Variants in PLCB1 observed in about 807,000 individuals in gnomAD.
PLCB1 encodes the protein 1-phosphatidylinositol 4,5-bisphosphate phosphodiesterase beta-1.
A neutral mutation model predicts 161.8 loss-of-function variants in PLCB1; 46 were observed. The observed-to-expected ratio is 0.28, with a 90% CI of 0.22 to 0.36. The LOEUF (loss-of-function observed/expected upper bound fraction) is 0.36, where lower values mean the gene tolerates loss of function less well. Among genes scored for constraint, PLCB1 ranks in the 10% least tolerant of loss-of-function variants. PLCB1 has a pLI of 1.00. For synonymous variants in PLCB1, 517 were observed against 503.7 expected (o/e 1.03, Z -0.35); for missense variants, 1,016 against 1,472.5 (o/e 0.69, Z 5.07).
At chr20:8,684,738 A>C (rs1019564969) in intron 9 of PLCB1, among the ~76,000 whole-genome samples, 194 bp from the exon 10 acceptor site, 1 of 152,012 alleles carries the variant, frequency 6.6e-6, no homozygotes, top group Non-Finnish European at 1.5e-5. Flanking sequence ...ATGTAACTAC[A>C]TGTTTTCTCT....
chr20:8,509,322 C>A (rs1044544807), intron 3 of PLCB1, among the ~76,000 whole-genome samples: 1 of 152,124 alleles, frequency 6.6e-6, no homozygotes, highest in Non-Finnish European at 1.5e-5. Context: ...CACAGGAGAG[C>A]GCATCCGAGC....
chr20:8,293,352 G>A (rs190924318), intron 2 of PLCB1, among the ~76,000 whole-genome samples: 1 of 152,202 alleles, frequency 6.6e-6, no homozygotes, highest in Non-Finnish European at 1.5e-5. Context: ...AAGAATGACT[G>A]GTTCAGCTTA....
intron 3 of PLCB1, among the ~76,000 whole-genome samples, chr20:8,507,527 A>T (rs932177257): frequency 1.3e-5 from 2 of 152,204 alleles, no homozygotes; most frequent in Non-Finnish European, 2.9e-5. Flanking sequence ...AGGACGGTGA[A>T]CATTTTAAGG....
At chr20:8,266,111 G>A (rs1386233078) in intron 2 of PLCB1, among the ~76,000 whole-genome samples, 1 of 152,170 alleles carries the variant, frequency 6.6e-6, no homozygotes, top group Non-Finnish European at 1.5e-5. Flanking sequence ...ATTTTTAGTT[G>A]TGTATCGATT....
intron 3 of PLCB1, among the ~76,000 whole-genome samples, chr20:8,430,914 C>T (rs1368222560): frequency 1.3e-5 from 2 of 152,092 alleles, no homozygotes; most frequent in Admixed American, 6.6e-5. Context: ...GCTATGATCA[C>T]ACCACTTGCG....
chr20:8,375,328 T>C (rs767224942), intron 3 of PLCB1, among the ~76,000 whole-genome samples: 6 of 152,168 alleles, frequency 3.9e-5, no homozygotes, highest in Non-Finnish European at 7.3e-5. Context: ...GGGTCGTCAC[T>C]TCAAAAAGAT....
chr20:8,630,739 A>G (rs1235534147), intron 4 of PLCB1, among the ~76,000 whole-genome samples: 1 of 152,240 alleles, frequency 6.6e-6, no homozygotes, highest in African/African-American at 2.4e-5. Context: ...TCAATTAAAA[A>G]CATGCAATAA....
At chr20:8,188,382 T>C (rs2051929585) in intron 2 of PLCB1, among the ~76,000 whole-genome samples, 1 of 152,062 alleles carries the variant, frequency 6.6e-6, no homozygotes. Context: ...CTGGGAACAA[T>C]AATGCAGTTG....
At chr20:8,729,016 A>G (rs1393026086) in intron 17 of PLCB1, 34 bp from the exon 18 acceptor site, 4 of 1,429,574 alleles carry the variant, frequency 2.8e-6, no homozygotes, top group Middle Eastern at 1.8e-4. Flanking sequence ...AAATATTTTT[A>G]TAATTGTATT....
intron 3 of PLCB1, among the ~76,000 whole-genome samples, chr20:8,606,959 C>A (rs1004527338): frequency 1.3e-5 from 2 of 152,118 alleles, no homozygotes; most frequent in African/African-American, 4.8e-5. Context: ...AAGTAGACAC[C>A]AATAAGGGAG....
At chr20:8,407,833 G>A (rs941928040) in intron 3 of PLCB1, among the ~76,000 whole-genome samples, 20 of 152,000 alleles carry the variant, frequency 1.3e-4, no homozygotes, top group Admixed American at 1.0e-3. Flanking sequence ...CCCCAGAACC[G>A]AAAATTCCAG....
In PLCB1 at chr20:8,512,607, C is replaced by T. The variant is rs1983935629; in HGVS notation, c.247-115687C>T. On this transcript the variant is annotated intron_variant, in intron 3 of 31. Coordinates refer to ENST00000338037, the MANE Select transcript of PLCB1 (RefSeq NM_015192.4). ...AATAATTATATACATTTATGGGGTG[C>T]ATTTATGGGGTGCAATGTATACATA... is the stretch of plus-strand genomic sequence containing the variant. Among the ~76,000 whole-genome samples the T allele has an allele frequency of 2.6e-5, 4 of 151,518 alleles. No individual in the cohort carries two copies. In the South Asian group the frequency reaches 6.3e-4, roughly 24 times the overall value.
intron 1 of PLCB1, among the ~76,000 whole-genome samples, chr20:8,139,682 GA>G (rs1476743269): frequency 6.6e-6 from 1 of 152,146 alleles, no homozygotes; most frequent in Non-Finnish European, 1.5e-5. Flanking sequence ...ACAAGCTCAT[GA>G]AGCTGGAAAA....
chr20:8,286,566 G>A (rs963207291), intron 2 of PLCB1, among the ~76,000 whole-genome samples: 15 of 152,084 alleles, frequency 9.9e-5, no homozygotes, highest in Non-Finnish European at 1.9e-4. Context: ...ATCTGGGCAC[G>A]GGACCCACAG....
At chr20:8,150,261 T>C (rs576138528) in intron 1 of PLCB1, 33 bp from the exon 2 acceptor site, 3 of 933,828 alleles carry the variant, frequency 3.2e-6, no homozygotes, top group South Asian at 2.9e-5. Context: ...CAGTGATATA[T>C]GTTGATATTC....
intron 27 of PLCB1, among the ~76,000 whole-genome samples, chr20:8,776,092 A>G (rs146950716): frequency 4.2e-4 from 64 of 152,192 alleles, no homozygotes; most frequent in African/African-American, 1.5e-3. Flanking sequence ...TTCTCCAGCA[A>G]CTCATCCCCA....
At chr20:8,621,396 T>TA (rs1443449885) in intron 3 of PLCB1, among the ~76,000 whole-genome samples, 3 of 152,220 alleles carry the variant, frequency 2.0e-5, no homozygotes, top group African/African-American at 4.8e-5. Context: ...GTTTGACAAA[T>TA]ACTGACTCAA....
chr20:8,802,204 G>A (rs1229776650), intron 31 of PLCB1: 1 of 1,168,020 alleles, frequency 8.6e-7, no homozygotes, highest in Admixed American at 1.8e-5. Context: ...TCGCTTTTGA[G>A]AGAAGGGTGG....
intron 9 of PLCB1, among the ~76,000 whole-genome samples, chr20:8,664,965 G>A (rs563655492): frequency 2.6e-5 from 4 of 152,172 alleles, no homozygotes; most frequent in Non-Finnish European, 5.9e-5. Flanking sequence ...TGAAGGATGG[G>A]ATAAAAATAA....
Sources: allele counts gnomAD v4.1 joint callset (sites outside exome capture counted in the v4.1 genomes callset), GRCh38; gene constraint gnomAD v4.1.1; transcripts MANE v1.5; gene names NCBI Gene and HGNC (gene_info 2026-07-23, HGNC 2026-07-21).